Variants in CALCRL observed in about 807,000 individuals in gnomAD.
CALCRL encodes the protein calcitonin gene-related peptide type 1 receptor.
In CALCRL, 27 loss-of-function variants were observed where a neutral mutation model predicts 60.4. That is an observed-to-expected ratio of 0.45 (90% CI 0.33 to 0.62). The LOEUF is 0.62. Among genes scored for constraint, CALCRL ranks in the 20% least tolerant of loss-of-function variants. The pLI, the probability that CALCRL is intolerant of heterozygous loss-of-function variation, is 0.03. For missense variants in CALCRL, 424 were observed against 540.7 expected (o/e 0.78, Z 2.14); for synonymous variants, 190 against 182.6 (o/e 1.04, Z -0.33).
chr2:187,406,132 A>G (rs540525298), intron 1 of CALCRL, among the ~76,000 whole-genome samples: 2 of 151,804 alleles, frequency 1.3e-5, no homozygotes, highest in East Asian at 1.9e-4. Context: ...ACTTGACACC[A>G]GACCACCAAA....
At chr2:187,350,920 G>A (rs892898208) in intron 14 of CALCRL, among the ~76,000 whole-genome samples, 1 of 151,648 alleles carries the variant, frequency 6.6e-6, no homozygotes, top group African/African-American at 2.4e-5. Flanking sequence ...ATTGTGTCGA[G>A]CAGATTAAAA....
chr2:187,407,558 T>A (rs1689188935), intron 1 of CALCRL, among the ~76,000 whole-genome samples: 1 of 152,080 alleles, frequency 6.6e-6, no homozygotes, highest in Non-Finnish European at 1.5e-5. Flanking sequence ...ATATTCAAAA[T>A]TTTAGTAGTG....
At chr2:187,425,517 T>G (rs917522667) in intron 1 of CALCRL, among the ~76,000 whole-genome samples, 1 of 152,098 alleles carries the variant, frequency 6.6e-6, no homozygotes, top group African/African-American at 2.4e-5. Context: ...GTTGCATTAT[T>G]CTAGATCCAA....
intron 1 of CALCRL, among the ~76,000 whole-genome samples, chr2:187,421,624 G>A (rs1689874971): frequency 6.6e-6 from 1 of 152,212 alleles, no homozygotes; most frequent in Admixed American, 6.5e-5. Context: ...GGCTGCCAGA[G>A]TCCTGCTACA....
intron 1 of CALCRL, among the ~76,000 whole-genome samples, chr2:187,445,214 T>A (rs1475190782): frequency 1.3e-5 from 2 of 151,588 alleles, no homozygotes; most frequent in Non-Finnish European, 3.0e-5. Context: ...CATAAGAGCG[T>A]CTTTCATTAA....
At chr2:187,438,186 G>A (rs953299147) in intron 1 of CALCRL, among the ~76,000 whole-genome samples, 4 of 152,148 alleles carry the variant, frequency 2.6e-5, no homozygotes, top group Non-Finnish European at 5.9e-5. Flanking sequence ...ATTATAATAT[G>A]AGTTGGGTCC....
At chr2:187,430,883 G>C (rs995540072) in intron 1 of CALCRL, among the ~76,000 whole-genome samples, 1 of 151,828 alleles carries the variant, frequency 6.6e-6, no homozygotes, top group Admixed American at 6.6e-5. Flanking sequence ...ATAATTTTTT[G>C]TATATATCCA....
At chr2:187,358,522 C>T (rs532955986) in intron 12 of CALCRL, among the ~76,000 whole-genome samples, 3 of 146,818 alleles carry the variant, frequency 2.0e-5, no homozygotes, top group Non-Finnish European at 1.5e-5. Flanking sequence ...TCACCTCCCA[C>T]CCCCCCCTGC....
chr2:187,363,389 A>G lies in CALCRL; in HGVS notation c.614T>C (p.Val205Ala), dbSNP rs367701513. The G allele has an allele frequency of 1.1e-5, 17 of 1,610,902 alleles. No homozygotes were observed. Among genetic ancestry groups the G allele is most frequent in the Non-Finnish European group, 1.4e-5 (17 of 1,178,606 alleles). ...TGGTTTACTTACAGGATTTGTGGCT[A>G]CTAAGGCCTGGTTGTTGGCCACTGC... is the stretch of plus-strand genomic sequence containing the variant. The part of the protein sequence containing the change: ...LTAVANNQAL[V>A]ATNPVSCKVS... Residue 205 changes from valine (V) to alanine (A), a missense_variant, in exon 9 of 15, where the codon GTA becomes GCA. Coordinates refer to ENST00000392370, the MANE Select transcript of CALCRL (RefSeq NM_005795.6).
At chr2:187,420,475 A>AT (rs922552594) in intron 1 of CALCRL, among the ~76,000 whole-genome samples, 4 of 151,904 alleles carry the variant, frequency 2.6e-5, no homozygotes, top group Non-Finnish European at 4.4e-5. Flanking sequence ...AAAGAAAAAA[A>AT]TTTTTTTTAA....
chr2:187,412,740 A>C (rs1357951699), intron 1 of CALCRL, among the ~76,000 whole-genome samples: 1 of 152,216 alleles, frequency 6.6e-6, no homozygotes, highest in East Asian at 1.9e-4. Context: ...TCAAGGCCTT[A>C]AGGCTTAATC....
At chr2:187,370,113 T>G (rs968998844) in intron 8 of CALCRL, among the ~76,000 whole-genome samples, 5 of 152,210 alleles carry the variant, frequency 3.3e-5, no homozygotes, top group African/African-American at 1.2e-4. Flanking sequence ...TTTTAAATTA[T>G]TCCCATCTCT....
intron 1 of CALCRL, among the ~76,000 whole-genome samples, chr2:187,430,790 A>G (rs1205631392): frequency 6.6e-6 from 1 of 152,152 alleles, no homozygotes; most frequent in Non-Finnish European, 1.5e-5. Context: ...AACAGTGACA[A>G]TGTGAATAGA....
At chr2:187,354,654 G>T (rs1686690448) in intron 12 of CALCRL, among the ~76,000 whole-genome samples, 1 of 151,976 alleles carries the variant, frequency 6.6e-6, no homozygotes, top group Non-Finnish European at 1.5e-5. Flanking sequence ...AGAAAAATAG[G>T]TTCCTAATCT....
At chr2:187,409,126 T>A (rs1347413424) in intron 1 of CALCRL, among the ~76,000 whole-genome samples, 1 of 152,190 alleles carries the variant, frequency 6.6e-6, no homozygotes, top group Non-Finnish European at 1.5e-5. Flanking sequence ...TGCAGTTAAT[T>A]GACTCCCTTT....
chr2:187,414,000 T>C (rs1259138210), intron 1 of CALCRL, among the ~76,000 whole-genome samples: 1 of 152,194 alleles, frequency 6.6e-6, no homozygotes, highest in African/African-American at 2.4e-5. Flanking sequence ...TATTTCATTT[T>C]ATATCCTATA....
intron 10 of CALCRL, among the ~76,000 whole-genome samples, 187 bp from the exon 11 acceptor site, chr2:187,359,459 T>G (rs1017482105): frequency 1.2e-4 from 18 of 152,098 alleles, no homozygotes; most frequent in African/African-American, 4.3e-4. Flanking sequence ...GGTATTTACA[T>G]TTTTGTGTTT....
intron 1 of CALCRL, among the ~76,000 whole-genome samples, chr2:187,422,357 T>C (rs898661250): frequency 6.6e-6 from 1 of 152,166 alleles, no homozygotes; most frequent in African/African-American, 2.4e-5. Context: ...TGCTAACAAA[T>C]CCAGCTTCAT....
chr2:187,424,245 G>A (rs1198743972), intron 1 of CALCRL, among the ~76,000 whole-genome samples: 2 of 151,980 alleles, frequency 1.3e-5, no homozygotes, highest in East Asian at 3.9e-4. Context: ...TGAGGGGTCT[G>A]TTTTTCCTTG....
Sources: allele counts gnomAD v4.1 joint callset (sites outside exome capture counted in the v4.1 genomes callset), GRCh38; gene constraint gnomAD v4.1.1; transcripts MANE v1.5; gene names NCBI Gene and HGNC (gene_info 2026-07-23, HGNC 2026-07-21).